Variants in IMMP1L observed in about 807,000 individuals in gnomAD.
The protein encoded by IMMP1L is inner mitochondrial membrane peptidase subunit 1.
Under a neutral mutation model 21.8 loss-of-function variants are expected in IMMP1L, and 24 were observed. That is an observed-to-expected ratio of 1.10 (90% confidence interval 0.80 to 1.55). IMMP1L has a LOEUF of 1.55. IMMP1L is among the 40% of genes most tolerant of loss of function. IMMP1L has a pLI of 0.00. For synonymous variants in IMMP1L, 46 were observed against 62.8 expected (o/e 0.73, Z 1.26); for missense variants, 195 against 200.7 (o/e 0.97, Z 0.17).
At chr11:31,488,753 C>A (rs932366052) in intron 1 of IMMP1L, among the ~76,000 whole-genome samples, 5 of 152,004 alleles carry the variant, frequency 3.3e-5, no homozygotes, top group Non-Finnish European at 7.4e-5. Context: ...AACCTTGTGA[C>A]CAGTTATAAT....
intron 4 of IMMP1L, among the ~76,000 whole-genome samples, chr11:31,441,225 T>G (rs1486060585): frequency 6.6e-6 from 1 of 152,058 alleles, no homozygotes; most frequent in Non-Finnish European, 1.5e-5. Context: ...TGCTTAACCC[T>G]TTTGGTGATG....
chr11:31,473,670 T>C (rs1954640129), intron 1 of IMMP1L: 3 of 723,040 alleles, frequency 4.1e-6, no homozygotes, highest in African/African-American at 1.9e-5. Context: ...TTTCTGGGCA[T>C]AGGCATCCAA....
intron 1 of IMMP1L, among the ~76,000 whole-genome samples, chr11:31,500,955 T>A (rs1216034076): frequency 2.0e-5 from 3 of 152,226 alleles, no homozygotes; most frequent in African/African-American, 7.2e-5. Context: ...TCTAAAGCTG[T>A]GTGATTTAAT....
chr11:31,472,876 T>G, intron 1 of IMMP1L, among the ~76,000 whole-genome samples: 1 of 151,950 alleles, frequency 6.6e-6, no homozygotes, highest in South Asian at 2.1e-4. Flanking sequence ...ATTTATTTAT[T>G]TTTTTTTGAG....
intron 1 of IMMP1L, among the ~76,000 whole-genome samples, chr11:31,481,098 G>A (rs1954879019): frequency 6.6e-6 from 1 of 152,060 alleles, no homozygotes; most frequent in Non-Finnish European, 1.5e-5. Context: ...TGGGGGCTTG[G>A]AACAAAAAGG....
chr11:31,500,852 C>T (rs754102913), intron 1 of IMMP1L, among the ~76,000 whole-genome samples: 1 of 152,056 alleles, frequency 6.6e-6, no homozygotes, highest in Non-Finnish European at 1.5e-5. Flanking sequence ...GCTCTCACAG[C>T]GAGTTGAAAA....
chr11:31,447,903 A>G (rs551196937), intron 4 of IMMP1L, among the ~76,000 whole-genome samples: 10 of 152,148 alleles, frequency 6.6e-5, no homozygotes, highest in Admixed American at 1.3e-4. Context: ...AACCTGTCAA[A>G]TTTTAATTAC....
intron 3 of IMMP1L, among the ~76,000 whole-genome samples, chr11:31,459,518 C>T (rs1321530347): frequency 6.6e-6 from 1 of 152,088 alleles, no homozygotes; most frequent in South Asian, 2.1e-4. Context: ...ACTTGACATT[C>T]ATTTGGAATA....
chr11:31,452,099 C>A (rs1953776358), intron 4 of IMMP1L: 1 of 427,700 alleles, frequency 2.3e-6, no homozygotes, highest in African/African-American at 2.2e-5. Flanking sequence ...AGACCAAAGT[C>A]TAACTGGAAT....
intron 1 of IMMP1L, chr11:31,473,676 T>A (rs1356060566): frequency 1.1e-5 from 9 of 812,586 alleles, no homozygotes; most frequent in African/African-American, 1.9e-5. Context: ...GGCATAGGCA[T>A]CCAATTCTAA....
intron 1 of IMMP1L, among the ~76,000 whole-genome samples, chr11:31,470,982 TAAG>T (rs1369880410): frequency 6.6e-6 from 1 of 152,146 alleles, no homozygotes; most frequent in Non-Finnish European, 1.5e-5. Flanking sequence ...TGAGGCATGA[TAAG>T]GAGGGACTGG....
chr11:31,485,422 G>C (rs980515030), intron 1 of IMMP1L, among the ~76,000 whole-genome samples: 1 of 151,846 alleles, frequency 6.6e-6, no homozygotes. Flanking sequence ...ATAAGGATAC[G>C]CAACCTATGT....
intron 4 of IMMP1L, among the ~76,000 whole-genome samples, chr11:31,445,801 T>G (rs1953498522): frequency 6.6e-6 from 1 of 151,846 alleles, no homozygotes; most frequent in African/African-American, 2.4e-5. Flanking sequence ...ACGGATGGCA[T>G]TTTTTAGTGA....
chr11:31,503,525 G>T (rs929655993), intron 1 of IMMP1L, among the ~76,000 whole-genome samples: 6 of 151,932 alleles, frequency 3.9e-5, no homozygotes, highest in Admixed American at 3.9e-4. Context: ...AAGAAAAAAA[G>T]GAAAAGAAAC....
chr11:31,443,051 T>C (rs1953395316), intron 4 of IMMP1L, among the ~76,000 whole-genome samples: 1 of 152,208 alleles, frequency 6.6e-6, no homozygotes, highest in Non-Finnish European at 1.5e-5. Context: ...TATTATGTAA[T>C]TGTTTTTTAT....
intron 1 of IMMP1L, among the ~76,000 whole-genome samples, chr11:31,486,017 C>G (rs142193182): frequency 1.3e-5 from 2 of 150,754 alleles, no homozygotes; most frequent in Non-Finnish European, 3.0e-5. Flanking sequence ...TGATAAAGTG[C>G]AATAACTATG....
intron 1 of IMMP1L, among the ~76,000 whole-genome samples, chr11:31,495,481 A>C (rs966490993): frequency 1.3e-5 from 2 of 152,300 alleles, no homozygotes; most frequent in African/African-American, 4.8e-5. Flanking sequence ...CTGAGACTGG[A>C]TAATTTATAA....
chr11:31,490,302 C>T lies in IMMP1L; in HGVS notation c.-30+19217G>A, dbSNP rs534879953. ...TCCCGGCCAACATGGTGAAAACGCG[C>T]CTCTGCTAAGAATACAAAAATTAGC... On this transcript the variant is annotated intron_variant, in intron 1 of 5. Transcript: ENST00000532287. 2.0e-5 allele frequency among the ~76,000 whole-genome samples: 3 copies of T among 152,016 alleles called. No individual in the cohort carries two copies. The South Asian group carries it at 6.2e-4, about 32-fold the overall frequency.
intron 1 of IMMP1L, among the ~76,000 whole-genome samples, chr11:31,504,538 T>C (rs1955723918): frequency 6.6e-6 from 1 of 152,172 alleles, no homozygotes; most frequent in Admixed American, 6.5e-5. Context: ...AGAAAAACAT[T>C]GTGTTGATAA....
Sources: allele counts gnomAD v4.1 joint callset (sites outside exome capture counted in the v4.1 genomes callset), GRCh38; gene constraint gnomAD v4.1.1; transcripts MANE v1.5; gene names NCBI Gene and HGNC (gene_info 2026-07-23, HGNC 2026-07-21).